DOCK5: variants seen among roughly 807,000 people sequenced by gnomAD.
DOCK5 encodes dedicator of cytokinesis protein 5.
A neutral mutation model predicts 251.8 loss-of-function variants in DOCK5; 142 were observed. The ratio of observed to expected loss-of-function variants is 0.56; its 90% CI spans 0.49 to 0.65. DOCK5 has a LOEUF of 0.65. Ranked by LOEUF, DOCK5 falls within the 30% of genes least tolerant of loss-of-function variation. The pLI, the probability that DOCK5 is intolerant of heterozygous loss-of-function variation, is 0.00. For missense variants in DOCK5, 2,111 were observed against 2,312.3 expected, an observed-to-expected ratio of 0.91 and a Z score of 1.79; for synonymous variants, 842 against 835.5, an observed-to-expected ratio of 1.01 and a Z score of -0.13.
At chr8:25,215,932 T>TACACACACAC (rs199685009) in intron 1 of DOCK5, among the ~76,000 whole-genome samples, 1 of 141,170 alleles carries the variant, frequency 7.1e-6, no homozygotes, top group African/African-American at 2.6e-5. Flanking sequence ...TGGAAATAAA[T>TACACACACAC]ACACACACAC....
intron 1 of DOCK5, among the ~76,000 whole-genome samples, chr8:25,196,074 A>T (rs1801716863): frequency 6.6e-6 from 1 of 152,248 alleles, no homozygotes; most frequent in Non-Finnish European, 1.5e-5. Context: ...GAGAAAATAG[A>T]TTTAATAAAC....
intron 3 of DOCK5, among the ~76,000 whole-genome samples, chr8:25,273,901 T>A (rs1273708134): frequency 6.6e-6 from 1 of 152,118 alleles, no homozygotes; most frequent in Non-Finnish European, 1.5e-5. Flanking sequence ...GTGTTCTTGG[T>A]CTCATCAGTA....
chr8:25,281,889 GAA>G (rs57465549), intron 5 of DOCK5, among the ~76,000 whole-genome samples: 80,739 of 127,508 alleles, frequency 0.63, 26,048 homozygotes, highest in Non-Finnish European at 0.75. Context: ...AAAAAAAAAA[GAA>G]AAAAAAAAAA....
chr8:25,296,930 T>C (rs1804631470), intron 7 of DOCK5, among the ~76,000 whole-genome samples: 1 of 152,104 alleles, frequency 6.6e-6, no homozygotes. Flanking sequence ...AATCTATGCT[T>C]GCATATACAT....
At position 25,390,224 on chromosome 8, in the gene DOCK5, TA is replaced by T; in HGVS notation, c.4295del (p.Lys1432SerfsTer3). 6.3e-7 allele frequency: 1 copy of T among 1,593,030 alleles called. No individual in the cohort carries two copies. The highest frequency in any genetic ancestry group is 8.6e-7 in the Non-Finnish European group (1 of 1,169,338). On this transcript the variant is annotated frameshift_variant, in exon 42 of 52. Transcript: ENST00000276440. LOFTEE classifies it high-confidence loss of function. ...TCTTCAGACATGCAGTGCTTCACTG[TA>T]AAGCCAGTGATGAGCTTGCCGCCCA... ...SPKQYMQCFT[V>X]KPVMSLPPSY...
In DOCK5 at chr8:25,412,329, A is replaced by G. The variant is rs1801646739; in HGVS notation, c.*1031A>G. 1 of 152,152 alleles carries G rather than the reference A, an allele frequency of 6.6e-6. No individual in the cohort carries two copies. Among genetic ancestry groups the G allele is most frequent in the Non-Finnish European group, 1.5e-5 (1 of 68,028 alleles). The allele number at this position is 152,152 out of a possible 1,614,324, so 9.4% of individuals were successfully genotyped here. A position where few individuals can be genotyped will look rare whatever the true frequency, so the allele number is the denominator to read the frequency against. On this transcript the variant is annotated 3_prime_UTR_variant, in exon 52 of 52. Transcript: ENST00000276440. ...GTACTAGTAGTACTCCTTTCAGAAG[A>G]AAAAATGGAGCGATTTAGGTGACCA...
intron 1 of DOCK5, among the ~76,000 whole-genome samples, chr8:25,193,634 T>G (rs1357858592): frequency 1.3e-5 from 2 of 151,786 alleles, no homozygotes; most frequent in Non-Finnish European, 2.9e-5. Context: ...CATGGTAGCA[T>G]GTGGTTGTGG....
intron 5 of DOCK5, among the ~76,000 whole-genome samples, chr8:25,282,499 C>T (rs908580217): frequency 6.6e-6 from 1 of 152,090 alleles, no homozygotes; most frequent in African/African-American, 2.4e-5. Context: ...TGTAGCAATA[C>T]TTGTATTATT....
intron 48 of DOCK5, among the ~76,000 whole-genome samples, chr8:25,405,323 C>T (rs1801504784): frequency 6.6e-6 from 1 of 151,188 alleles, no homozygotes; most frequent in African/African-American, 2.4e-5. Context: ...TGTCTGTAAT[C>T]CTTTAGAATT....
Position 25,366,912 on chromosome 8 carries a change from C to T in DOCK5, c.3166C>T (p.His1056Tyr). 1.9e-6 allele frequency: 3 copies of T among 1,613,860 alleles called. No individual in the cohort carries two copies. Among genetic ancestry groups the T allele is most frequent in the Non-Finnish European group, 1.7e-6 (2 of 1,179,806 alleles). ...CCATTTGGCAGTTGCATTTCTCACCCATGAGTCCCTTCAGCTTGAAACCTT... is the reference window on the plus strand; with the variant it reads ...CCATTTGGCAGTTGCATTTCTCACCTATGAGTCCCTTCAGCTTGAAACCTT... ...YFHLAVAFLT[H>Y]ESLQLETFSQ... The change falls in exon 31 of 52, where the codon CAT (histidine) becomes TAT (tyrosine). Residue 1056 changes from histidine to tyrosine, a missense_variant. By Grantham distance (83) the His-to-Tyr change is moderately conservative. Transcript: ENST00000276440.
chr8:25,377,370 A>G lies in DOCK5; in HGVS notation c.3882A>G (p.Gln1294=), dbSNP rs1452711189. ...QKDSYYVYTQ[Q]ELKEKLYQEI... ...ACAGTTACTATGTTTATACCCAGCA[A>G]GAGCTTAAAGAGAAGCTGTATCAAG... The change falls in exon 38 of 52, where the codon CAA becomes CAG. Residue 1294 remains glutamine (Q), a synonymous_variant. Transcript: ENST00000276440. 1.2e-6 allele frequency: 2 copies of G among 1,613,802 alleles called. No homozygotes were observed. Among genetic ancestry groups the G allele is most frequent in the African/African-American group, 2.7e-5 (2 of 74,934 alleles).
chr8:25,246,704 TTGTGTGTGTGTGTGTGTG>T (rs55963570), intron 2 of DOCK5, among the ~76,000 whole-genome samples: 1,517 of 89,598 alleles, frequency 0.017, 14 homozygotes, highest in Non-Finnish European at 0.024. Flanking sequence ...CCATGTTAGT[TTGTGTGTGTGTGTGTGTG>T]TGTGTGTGTG....
intron 2 of DOCK5, among the ~76,000 whole-genome samples, chr8:25,245,045 C>T (rs1803062745): frequency 6.6e-6 from 1 of 152,150 alleles, no homozygotes; most frequent in South Asian, 2.1e-4. Context: ...CACAGCTCTT[C>T]CAATCTTTTT....
intron 4 of DOCK5, 91 bp downstream of exon 4, chr8:25,275,532 G>A (rs554294865): frequency 1.2e-5 from 15 of 1,283,714 alleles, no homozygotes; most frequent in East Asian, 5.0e-5. Context: ...CCTTATGTAC[G>A]TTAATAGTTC....
chr8:25,360,736 GTAT>G (rs906299378), intron 28 of DOCK5, among the ~76,000 whole-genome samples: 27 of 152,162 alleles, frequency 1.8e-4, no homozygotes, highest in African/African-American at 6.5e-4. Context: ...AACAATAATT[GTAT>G]TATTATTGCT....
intron 1 of DOCK5, among the ~76,000 whole-genome samples, chr8:25,191,667 T>C (rs957039303): frequency 2.0e-5 from 3 of 152,132 alleles, no homozygotes; most frequent in African/African-American, 7.2e-5. Flanking sequence ...TGAAATGCTG[T>C]TGTCCCCTGT....
Position 25,334,128 on chromosome 8 carries a change from G to C in DOCK5, c.2124G>C (p.Lys708Asn). 6.2e-7 allele frequency: 1 copy of C among 1,613,868 alleles called. No individual in the cohort carries two copies. Among genetic ancestry groups the C allele is most frequent in the Non-Finnish European group, 8.5e-7 (1 of 1,179,810 alleles). The change falls in exon 21 of 52, where the codon AAG becomes AAC. Residue 708 changes from lysine to asparagine, a missense_variant. Around this residue, in one of 3 missense-constraint regions of DOCK5, gnomAD observed 1,717 missense variants for 1,892.4 expected, o/e 0.91. Transcript: ENST00000276440. ...TTATTTCACTGATAGGAGACATCAA[G>C]TTCCAGCATTTTAATCCTGTACTTG... The part of the protein sequence containing the change: ...VFIISLIGDI[K>N]FQHFNPVLET...
chr8:25,373,806 A>T, intron 36 of DOCK5, 148 bp downstream of exon 36: 1 of 718,576 alleles, frequency 1.4e-6, no homozygotes, highest in Non-Finnish European at 2.3e-6. Flanking sequence ...CCCTGAACCG[A>T]CAAACTCTTT....
intron 12 of DOCK5, 64 bp downstream of exon 12, chr8:25,308,989 C>G: frequency 5.8e-6 from 9 of 1,559,576 alleles, no homozygotes; most frequent in Non-Finnish European, 7.9e-6. Context: ...ACAGCTGGGT[C>G]CTTGGACTCC....
Sources: allele counts gnomAD v4.1 joint callset (sites outside exome capture counted in the v4.1 genomes callset), GRCh38; gene constraint gnomAD v4.1.1; regional missense constraint gnomAD v4.1.1; transcripts MANE v1.5; gene names NCBI Gene and HGNC (gene_info 2026-07-23, HGNC 2026-07-21).